NHSL2: variants seen among roughly 807,000 people sequenced by gnomAD.
NHSL2 encodes the protein NHS-like protein 2.
Under a neutral mutation model 53.4 loss-of-function variants are expected in NHSL2, and 27 were observed. The ratio of observed to expected loss-of-function variants is 0.51; its 90% CI spans 0.37 to 0.70. The LOEUF (loss-of-function observed/expected upper bound fraction) is 0.70, where lower values mean the gene tolerates loss of function less well. Among genes scored for constraint, NHSL2 ranks in the 30% least tolerant of loss-of-function variants. The pLI, the probability that NHSL2 is intolerant of heterozygous loss-of-function variation, is 0.00. For synonymous variants in NHSL2, 408 were observed against 404.1 expected (o/e 1.01, Z -0.12); for missense variants, 892 against 980.1 (o/e 0.91, Z 1.20).
intron 1 of NHSL2, among the ~76,000 whole-genome samples, chrX:72,054,104 G>A (rs941594021): frequency 3.6e-5 from 4 of 111,512 alleles, no homozygotes; most frequent in African/African-American, 1.3e-4. Flanking sequence ...CAGCTCTGCT[G>A]TAGGTGCCAG....
At chrX:72,110,621 C>T (rs961265859) in intron 1 of NHSL2, among the ~76,000 whole-genome samples, 2 of 106,848 alleles carry the variant, frequency 1.9e-5, no homozygotes, top group South Asian at 8.5e-4. Flanking sequence ...CCTGTGGTCT[C>T]AAGAGGGAGG....
chrX:72,043,653 C>T (rs1025658069), intron 1 of NHSL2, among the ~76,000 whole-genome samples: 38 of 111,717 alleles, frequency 3.4e-4, no homozygotes, highest in African/African-American at 1.1e-3. Flanking sequence ...GGCTGCCATG[C>T]ATCAAAATAC....
At chrX:72,048,082 A>G (rs200370270) in intron 1 of NHSL2, among the ~76,000 whole-genome samples, 10,121 of 95,037 alleles carry the variant, frequency 0.11, 734 homozygotes, top group African/African-American at 0.28. Context: ...TAACAATAAT[A>G]ATAATAATAA....
intron 1 of NHSL2, among the ~76,000 whole-genome samples, chrX:71,928,539 A>G (rs994723842): frequency 8.9e-6 from 1 of 111,943 alleles, no homozygotes; most frequent in Non-Finnish European, 1.9e-5. Flanking sequence ...GCCCTGGGCA[A>G]GGGGAGTTGC....
At chrX:72,009,627 C>T (rs1426857690) in intron 1 of NHSL2, among the ~76,000 whole-genome samples, 1 of 112,618 alleles carries the variant, frequency 8.9e-6, no homozygotes, top group Non-Finnish European at 1.9e-5. Context: ...AAATTTCAAG[C>T]CCCAGCCCTC....
chrX:72,003,630 T>A (rs1016238521), intron 1 of NHSL2, among the ~76,000 whole-genome samples: 4 of 111,857 alleles, frequency 3.6e-5, no homozygotes, highest in African/African-American at 1.3e-4. Context: ...CTGGCCCATA[T>A]CTTAAGAGAT....
chrX:72,119,943 TTTTTATCATGAAAGAGTGTTGGA>T (rs1569481804), intron 1 of NHSL2, among the ~76,000 whole-genome samples: 1 of 112,386 alleles, frequency 8.9e-6, no homozygotes, highest in Non-Finnish European at 1.9e-5. Context: ...TTGTTGAGGG[TTTTTATCATGAAAGAGTGTTGGA>T]TTTTATCAAA....
In NHSL2 at chrX:72,138,480, C is replaced by T. The variant is rs2042378968; in HGVS notation, c.932C>T (p.Thr311Ile). ...NSPAGSVAHSTTSDIRPSHSV... is the reference protein window; with the variant it reads ...NSPAGSVAHSITSDIRPSHSV... ...CCAGCAGGCAGTGTGGCCCACTCTA[C>T]CACCTCCGACATCAGGCCCAGTCAC... The change falls in exon 6 of 8, where the codon ACC becomes ATC. Residue 311 changes from threonine to isoleucine, a missense_variant. By Grantham distance (89) the Thr-to-Ile change is moderately conservative. Transcript: ENST00000633930. 8.6e-7 allele frequency: 1 copy of T among 1,159,523 alleles called. No homozygotes were observed. Among genetic ancestry groups the T allele is most frequent in the African/African-American group, 1.8e-5 (1 of 56,258 alleles).
chrX:71,966,508 T>C (rs774480173), intron 1 of NHSL2, among the ~76,000 whole-genome samples: 2 of 112,188 alleles, frequency 1.8e-5, no homozygotes, highest in African/African-American at 6.5e-5. Context: ...GAATGAGTGC[T>C]GGCATTTTTG....
chrX:71,947,409 T>C (rs1192432414), intron 1 of NHSL2, among the ~76,000 whole-genome samples: 1 of 112,464 alleles, frequency 8.9e-6, no homozygotes, highest in African/African-American at 3.2e-5. Flanking sequence ...GCATCAAATG[T>C]TAAGGAACAC....
At chrX:71,991,508 G>A (rs1194105869) in intron 1 of NHSL2, among the ~76,000 whole-genome samples, 2 of 112,836 alleles carry the variant, frequency 1.8e-5, no homozygotes, top group East Asian at 2.8e-4. Flanking sequence ...AAAGAACAGT[G>A]GAATATGCCG....
chrX:71,948,358 G>C (rs924335332), intron 1 of NHSL2, among the ~76,000 whole-genome samples: 2 of 111,345 alleles, frequency 1.8e-5, no homozygotes, highest in African/African-American at 3.3e-5. Context: ...TATATCCCAG[G>C]GGTTGTGAGC....
chrX:72,134,366 C>G, intron 3 of NHSL2, 143 bp from the exon 4 acceptor site: 1 of 846,396 alleles, frequency 1.2e-6, no homozygotes, highest in African/African-American at 2.0e-5. Context: ...CCCTGCACAG[C>G]AGGTGCCTGG....
chrX:72,115,431 C>G (rs868625333), intron 1 of NHSL2, among the ~76,000 whole-genome samples: 27 of 15,971 alleles, frequency 1.7e-3, no homozygotes, highest in Middle Eastern at 0.057. Context: ...TTGGTGGGGG[C>G]GGGGGGGGGG....
intron 1 of NHSL2, among the ~76,000 whole-genome samples, chrX:72,073,823 C>T (rs1265547227): frequency 8.9e-6 from 1 of 112,321 alleles, no homozygotes; most frequent in South Asian, 3.7e-4. Context: ...ATTAGTAACC[C>T]TGGAGACTGG....
chrX:72,127,986 C>A (rs2042244376), intron 1 of NHSL2: 1 of 112,540 alleles, frequency 8.9e-6, no homozygotes, highest in African/African-American at 3.2e-5. Flanking sequence ...CTCTGAATGG[C>A]TGGGGGGTTT....
At chrX:72,123,675 G>T (rs989355475) in intron 1 of NHSL2, among the ~76,000 whole-genome samples, 1 of 112,216 alleles carries the variant, frequency 8.9e-6, no homozygotes, top group Non-Finnish European at 1.9e-5. Flanking sequence ...CATGTGAGGA[G>T]ATCCTACAAG....
At chrX:72,143,001 C>A (rs2042431187) in intron 7 of NHSL2, among the ~76,000 whole-genome samples, 1 of 111,520 alleles carries the variant, frequency 9.0e-6, no homozygotes, top group Admixed American at 9.5e-5. Flanking sequence ...CGTCCTTGGT[C>A]CCAGAACCTG....
At chrX:72,067,051 G>A (rs1365780214) in intron 1 of NHSL2, among the ~76,000 whole-genome samples, 2 of 111,525 alleles carry the variant, frequency 1.8e-5, no homozygotes, top group Non-Finnish European at 3.8e-5. Context: ...GCTGAGTTGG[G>A]AGGATCACTT....
Sources: gnomAD v4.1 joint callset for allele counts (sites outside exome capture counted in the v4.1 genomes callset) on GRCh38, gnomAD v4.1.1 for gene constraint, MANE v1.5 for transcripts, NCBI Gene and HGNC (gene_info 2026-07-23, HGNC 2026-07-21) for gene names.